The following NBPF11 variants were observed in gnomAD, a reference collection of about 807,000 sequenced individuals.
The protein encoded by NBPF11 is NBPF member 11, also known as NBPF family member NBPF11.
In NBPF11, 72 loss-of-function variants were observed where a neutral mutation model predicts 93.9. That is an observed-to-expected ratio of 0.77 (90% CI 0.63 to 0.93). The LOEUF (loss-of-function observed/expected upper bound fraction) is 0.93. NBPF11 is among the 40% of genes least tolerant of loss of function. The probability of loss-of-function intolerance (pLI) is 0.00; values close to 1 mark genes in which losing one functional copy is unlikely to be tolerated. For missense variants in NBPF11, 705 were observed against 802.2 expected (o/e 0.88, Z 1.46); for synonymous variants, 224 against 304.9 (o/e 0.73, Z 2.76).
Position 148,103,691 on chromosome 1 carries a change from A to T in NBPF11, c.*205T>A. 1 of 1,611,320 alleles carries T rather than the reference A, an allele frequency of 6.2e-7. No homozygotes were observed. The highest frequency in any genetic ancestry group is 8.5e-7 in the Non-Finnish European group (1 of 1,179,304). On this transcript the variant is annotated 3_prime_UTR_variant, in exon 24 of 24. Transcript: ENST00000682118. ...TGCTTATTGTGGGAATATGACTCCC[A>T]TCTGGAAGACCAGGTGGAGACTTCT...
In NBPF11 at chr1:148,103,580, T is replaced by G. The variant is rs1662787279; in HGVS notation, c.*316A>C. 1.9e-6 allele frequency: 3 copies of G among 1,606,144 alleles called. No homozygotes were observed. The highest frequency in any genetic ancestry group is 2.7e-5 in the African/African-American group (2 of 74,642). On this transcript the variant is annotated 3_prime_UTR_variant, in exon 24 of 24. Coordinates refer to ENST00000682118, the MANE Select transcript of NBPF11 (RefSeq NM_001385469.3). ...CACTGACCCATCCTATGTCTGGGCTTCCAAATGGAACTATAGTTTCATTCA... is the reference window on the plus strand; with the variant it reads ...CACTGACCCATCCTATGTCTGGGCTGCCAAATGGAACTATAGTTTCATTCA...
At position 148,146,339 on chromosome 1, in the gene NBPF11, C is replaced by T. The variant is rs1449048437; in HGVS notation, c.-548-2653G>A. On this transcript the variant is annotated intron_variant, in intron 1 of 23. Coordinates refer to ENST00000682118, the MANE Select transcript of NBPF11 (RefSeq NM_001385469.3). ...CCACCCCTCCCCTGCCGGGCCAGGC[C>T]GGGCGGCGTTGTTGGCGGGGGCCCC... 1.8e-5 allele frequency: 26 copies of T among 1,424,786 alleles called. No individual in the cohort carries two copies. The East Asian group carries it at 2.0e-4, about 11-fold the overall frequency. 88.3% of individuals were successfully genotyped at this position (1,424,786 alleles called of 1,614,324 possible). A position where few individuals can be genotyped will look rare whatever the true frequency, so the allele number is the denominator to read the frequency against.
intron 14 of NBPF11, among the ~76,000 whole-genome samples, chr1:148,114,843 A>G (rs1317297894): frequency 6.6e-6 from 1 of 151,408 alleles, no homozygotes; most frequent in East Asian, 1.9e-4. Flanking sequence ...TGGACATTAA[A>G]TGTTTAGAGG....
intron 9 of NBPF11, among the ~76,000 whole-genome samples, chr1:148,121,380 C>G (rs1667805544): frequency 7.1e-6 from 1 of 140,260 alleles, no homozygotes; most frequent in African/African-American, 2.7e-5. Context: ...TGCAGTCTCG[C>G]TCTGTCTCCC....
chr1:148,148,839 CAGG>C (rs1171383228), intron 1 of NBPF11, among the ~76,000 whole-genome samples: 1 of 151,724 alleles, frequency 6.6e-6, no homozygotes, highest in Non-Finnish European at 1.5e-5. Flanking sequence ...TAGGGGTGAC[CAGG>C]AGGAGGAGAG....
chr1:148,146,834 C>T, intron 1 of NBPF11: 2 of 1,613,000 alleles, frequency 1.2e-6, no homozygotes, highest in Non-Finnish European at 1.7e-6. Flanking sequence ...ACCTACGACT[C>T]CTCCGGCTAC....
intron 2 of NBPF11, among the ~76,000 whole-genome samples, chr1:148,142,287 C>T (rs1464919502): frequency 6.6e-6 from 1 of 151,906 alleles, no homozygotes; most frequent in Non-Finnish European, 1.5e-5. Flanking sequence ...GAGAGAGACG[C>T]ACTACTGTAA....
Position 148,105,374 on chromosome 1 carries a change from GA to G in NBPF11, c.2457del (p.Leu820SerfsTer2), listed in dbSNP as rs1663300961. On this transcript the variant is annotated frameshift_variant, in exon 22 of 24. Coordinates refer to ENST00000682118, the MANE Select transcript of NBPF11 (RefSeq NM_001385469.3). LOFTEE classifies it high-confidence loss of function. ...FMHWRKNMLA[F>X]LLTWEKLKRR... ...AAGGTACTCACCTCCCACGTCAAGAGAAAAGCCAACATGTTTTTCCTCCAAT... is the reference window on the plus strand; with the variant it reads ...AAGGTACTCACCTCCCACGTCAAGAGAAAGCCAACATGTTTTTCCTCCAAT... 3 of 895,168 alleles carry G rather than the reference GA, an allele frequency of 3.4e-6. No homozygotes were observed. Among genetic ancestry groups the G allele is most frequent in the Non-Finnish European group, 5.6e-6 (3 of 534,116 alleles). The allele number at this position is 895,168 out of a possible 1,614,324, so 55.5% of individuals were successfully genotyped here. A position where few individuals can be genotyped will look rare whatever the true frequency, so the allele number is the denominator to read the frequency against.
intron 10 of NBPF11, among the ~76,000 whole-genome samples, 165 bp downstream of exon 10, chr1:148,120,336 G>T (rs1439996033): frequency 6.6e-6 from 1 of 151,762 alleles, no homozygotes; most frequent in Non-Finnish European, 1.5e-5. Context: ...AAATACTTTG[G>T]TACCTCTGTC....
intron 14 of NBPF11, among the ~76,000 whole-genome samples, chr1:148,115,164 C>A (rs868911550): frequency 0.02 from 239 of 12,160 alleles, 43 homozygotes; most frequent in South Asian, 0.04. Context: ...GACTCCATCA[C>A]AAAAAAAAAA....
chr1:148,124,055 G>A lies in NBPF11; in HGVS notation c.291C>T (p.Val97=). The A allele has an allele frequency of 6.2e-7, 1 of 1,601,282 alleles. No homozygotes were observed. The highest frequency in any genetic ancestry group is 8.5e-7 in the Non-Finnish European group (1 of 1,170,494). The part of the protein sequence containing the change: ...KQAEELRQYK[V]LVHSQERELT... ...GCTCTCGTTCCTGAGAGTGAACCAG[G>A]ACTTTATATTGCCTAAGGTGAGACG... Residue 97 remains valine, a synonymous_variant, in exon 7 of 24, where the codon GTC becomes GTT. Transcript: ENST00000682118.
rs1303169066 is a variant in NBPF11 at position 148,149,194 on chromosome 1, C to T, written c.-549+2556G>A. ...TCAGCCCGGACAGCATCATCCTGTA[C>T]GGGCAGAGCATCGGCACGGTGCCCA... is the stretch of plus-strand genomic sequence containing the variant. On this transcript the variant is annotated intron_variant, in intron 1 of 23. Coordinates refer to ENST00000682118, the MANE Select transcript of NBPF11 (RefSeq NM_001385469.3). 5.9e-5 allele frequency: 93 copies of T among 1,576,140 alleles called. 4 individuals carry two copies. In the African/African-American group the frequency reaches 9.5e-4, roughly 16 times the overall value.
intron 21 of NBPF11, among the ~76,000 whole-genome samples, chr1:148,105,790 A>AG (rs1663449474): frequency 8.2e-5 from 11 of 134,454 alleles, no homozygotes; most frequent in Non-Finnish European, 1.1e-4. Context: ...AGAGAGAGAG[A>AG]AAACGAGCTC....
At chr1:148,120,361 A>T in intron 10 of NBPF11, 140 bp downstream of exon 10, 6 of 672,014 alleles carry the variant, frequency 8.9e-6, no homozygotes, top group Middle Eastern at 4.0e-4. Flanking sequence ...AACTTTAACA[A>T]AATGTTAAAA....
chr1:148,150,830 C>T (rs1390655221), intron 1 of NBPF11, among the ~76,000 whole-genome samples: 3 of 151,178 alleles, frequency 2.0e-5, no homozygotes, highest in African/African-American at 7.3e-5. Flanking sequence ...CAGGTTCAAG[C>T]GAGTCTCCTG....
chr1:148,131,359 T>C (rs1181689098), intron 4 of NBPF11, among the ~76,000 whole-genome samples: 3 of 151,582 alleles, frequency 2.0e-5, no homozygotes, highest in Non-Finnish European at 4.4e-5. Flanking sequence ...CAGACAAGTT[T>C]ATTGGAGATC....
chr1:148,131,374 G>A (rs1247034260), intron 4 of NBPF11, among the ~76,000 whole-genome samples: 1 of 147,826 alleles, frequency 6.8e-6, no homozygotes, highest in Non-Finnish European at 1.5e-5. Context: ...GAGATCTGAA[G>A]GGACTCTCCA....
intron 7 of NBPF11, among the ~76,000 whole-genome samples, chr1:148,123,209 G>C (rs781993711): frequency 1.4e-5 from 2 of 143,128 alleles, no homozygotes; most frequent in African/African-American, 5.3e-5. Context: ...TCCTCTATGC[G>C]TCATGAGACT....
At chr1:148,118,744 T>G in intron 10 of NBPF11, 22 bp from the exon 11 acceptor site, 1 of 1,601,674 alleles carries the variant, frequency 6.2e-7, no homozygotes, top group Non-Finnish European at 8.5e-7. Flanking sequence ...CAGACACGCC[T>G]GCATCAGTGG....
Sources: allele counts gnomAD v4.1 joint callset (sites outside exome capture counted in the v4.1 genomes callset), GRCh38; gene constraint gnomAD v4.1.1; transcripts MANE v1.5; gene names NCBI Gene and HGNC (gene_info 2026-07-23, HGNC 2026-07-21).